CDH13: variants seen among roughly 807,000 people sequenced by gnomAD.
CDH13 encodes the protein cadherin-13.
A neutral mutation model predicts 63.8 loss-of-function variants in CDH13; 24 were observed. That is an observed-to-expected ratio of 0.38 (90% CI 0.27 to 0.53). CDH13 has a LOEUF of 0.53. Ranked by LOEUF, CDH13 falls within the 20% of genes least tolerant of loss-of-function variation. The pLI, the probability that CDH13 is intolerant of heterozygous loss-of-function variation, is 0.85. For missense variants in CDH13, 1,049 were observed against 903.1 expected, an observed-to-expected ratio of 1.16 and a Z score of -2.07; for synonymous variants, 503 against 355.3, an observed-to-expected ratio of 1.42 and a Z score of -4.67.
At chr16:83,320,873 T>A (rs1451246471) in intron 5 of CDH13, among the ~76,000 whole-genome samples, 1 of 152,126 alleles carries the variant, frequency 6.6e-6, no homozygotes. Context: ...ATTTTAGGGA[T>A]GGAAGAATTT....
At chr16:83,543,039 G>A (rs776811107) in intron 7 of CDH13, among the ~76,000 whole-genome samples, 4 of 152,210 alleles carry the variant, frequency 2.6e-5, no homozygotes, top group Admixed American at 6.5e-5. Context: ...GCCTTGTTGT[G>A]AGCTGCAAAA....
intron 2 of CDH13, among the ~76,000 whole-genome samples, chr16:82,987,072 GAA>G (rs1445513106): frequency 6.6e-6 from 1 of 152,126 alleles, no homozygotes; most frequent in Non-Finnish European, 1.5e-5. Context: ...GGCTACTCAG[GAA>G]ATGTTTATGG....
chr16:83,074,647 C>T (rs528254032), intron 3 of CDH13, among the ~76,000 whole-genome samples: 1 of 152,182 alleles, frequency 6.6e-6, no homozygotes, highest in Non-Finnish European at 1.5e-5. Context: ...TCTCCACATC[C>T]TTGCTAGCAT....
At chr16:82,843,201 G>T (rs574748698) in intron 1 of CDH13, among the ~76,000 whole-genome samples, 1 of 152,280 alleles carries the variant, frequency 6.6e-6, no homozygotes, top group South Asian at 2.1e-4. Context: ...TGAAGATAGG[G>T]ACCTTGCCTT....
intron 8 of CDH13, among the ~76,000 whole-genome samples, chr16:83,645,091 C>G (rs1288397499): frequency 6.6e-6 from 1 of 152,206 alleles, no homozygotes; most frequent in Non-Finnish European, 1.5e-5. Flanking sequence ...AAAAGGGCTA[C>G]TCCTCATATG....
At position 83,412,075 on chromosome 16, in the gene CDH13, A is replaced by G. The variant is rs116745912; in HGVS notation, c.781+67069A>G. Reference sequence around the variant, plus strand: ...AGGAGAGCCACAAGCTCATGGCTCTATGGCTGGAACTTCATACCATTAATG... The same window carrying G: ...AGGAGAGCCACAAGCTCATGGCTCTGTGGCTGGAACTTCATACCATTAATG... On this transcript the variant is annotated intron_variant, in intron 6 of 13. Transcript: ENST00000567109. Among the ~76,000 whole-genome samples the G allele has an allele frequency of 9.6e-3, 1,465 of 152,318 alleles. 27 individuals are homozygous for G. Among genetic ancestry groups the G allele is most frequent in the African/African-American group, 0.033 (1,387 of 41,570 alleles).
intron 5 of CDH13, among the ~76,000 whole-genome samples, chr16:83,238,443 C>T (rs915894684): frequency 1.3e-5 from 2 of 152,146 alleles, no homozygotes; most frequent in East Asian, 3.9e-4. Flanking sequence ...CAATTACCTC[C>T]CACCAGGTCA....
chr16:83,471,275 C>CTT (rs34765413), intron 6 of CDH13, among the ~76,000 whole-genome samples: 61,221 of 121,776 alleles, frequency 0.5, 17,157 homozygotes, highest in East Asian at 0.82. Context: ...TCTAACCACC[C>CTT]TTTTTTTTTT....
intron 1 of CDH13, among the ~76,000 whole-genome samples, chr16:82,731,074 A>G (rs923502194): frequency 6.6e-6 from 1 of 152,206 alleles, no homozygotes; most frequent in African/African-American, 2.4e-5. Flanking sequence ...CATTCAGTGA[A>G]GTCACATTGG....
intron 2 of CDH13, among the ~76,000 whole-genome samples, chr16:82,909,252 ATGTG>A (rs10527714): frequency 0.3 from 44,203 of 146,688 alleles, 7,069 homozygotes; most frequent in Non-Finnish European, 0.39. Flanking sequence ...CTGACTGTAT[ATGTG>A]TGTGTGTGTG....
At chr16:83,208,353 G>A (rs537695215) in intron 4 of CDH13, among the ~76,000 whole-genome samples, 2 of 152,126 alleles carry the variant, frequency 1.3e-5, no homozygotes, top group East Asian at 3.9e-4. Context: ...AATTTCAAAG[G>A]CATGGCAAGG....
At chr16:82,992,960 A>G (rs1283252754) in intron 2 of CDH13, among the ~76,000 whole-genome samples, 1 of 152,170 alleles carries the variant, frequency 6.6e-6, no homozygotes, top group Admixed American at 6.5e-5. Flanking sequence ...CCACGTGTCC[A>G]TCTGCCTCAG....
chr16:83,209,090 C>G (rs574686648), intron 4 of CDH13, among the ~76,000 whole-genome samples: 6 of 152,212 alleles, frequency 3.9e-5, no homozygotes, highest in Admixed American at 3.9e-4. Context: ...CTGGAGCCAG[C>G]GATGAGACGA....
chr16:82,854,306 C>A lies in CDH13; in HGVS notation c.46-4056C>A, dbSNP rs913160350. Among the ~76,000 whole-genome samples the A allele has an allele frequency of 2.7e-5, 4 of 146,754 alleles. 1 individual carries two copies. The South Asian group carries it at 8.7e-4, about 32-fold the overall frequency. Reference sequence around the variant, plus strand: ...GTCACAGCTACTTGGGAGGCTGAGGCAGGAGAATGGCATGAAACCAGGAGG... The same window carrying A: ...GTCACAGCTACTTGGGAGGCTGAGGAAGGAGAATGGCATGAAACCAGGAGG... On this transcript the variant is annotated intron_variant, in intron 1 of 13. Coordinates refer to ENST00000567109, the MANE Select transcript of CDH13 (RefSeq NM_001257.5).
chr16:83,294,528 G>A (rs2042874871), intron 5 of CDH13, among the ~76,000 whole-genome samples: 1 of 151,884 alleles, frequency 6.6e-6, no homozygotes. Context: ...TTAACATAAT[G>A]TCCTCCAGGT....
At chr16:83,560,894 G>T (rs116414132) in intron 7 of CDH13, among the ~76,000 whole-genome samples, 5 of 111,926 alleles carry the variant, frequency 4.5e-5, no homozygotes, top group South Asian at 7.3e-4. Flanking sequence ...TGTACCATAA[G>T]GTTGGCCCCC....
intron 3 of CDH13, among the ~76,000 whole-genome samples, chr16:83,050,034 A>G (rs969633250): frequency 2.0e-5 from 3 of 152,220 alleles, no homozygotes; most frequent in Non-Finnish European, 4.4e-5. Context: ...TACAAATTAC[A>G]TAATTTATGA....
intron 5 of CDH13, among the ~76,000 whole-genome samples, chr16:83,342,113 C>T (rs2090738573): frequency 6.6e-6 from 1 of 151,952 alleles, no homozygotes; most frequent in Middle Eastern, 3.2e-3. Context: ...CTGCATGTGG[C>T]TACTGAGCAC....
At chr16:83,065,568 G>T (rs1657999514) in intron 3 of CDH13, among the ~76,000 whole-genome samples, 1 of 152,032 alleles carries the variant, frequency 6.6e-6, no homozygotes, top group African/African-American at 2.4e-5. Context: ...AGCCAGGTGT[G>T]GTGGTGCACG....
Sources: gnomAD v4.1 joint callset for allele counts (sites outside exome capture counted in the v4.1 genomes callset) on GRCh38, gnomAD v4.1.1 for gene constraint, MANE v1.5 for transcripts, NCBI Gene and HGNC (gene_info 2026-07-23, HGNC 2026-07-21) for gene names.